RPGRIP1L: variants seen among roughly 807,000 people sequenced by gnomAD.
RPGRIP1L encodes the protein protein fantom.
RPGRIP1L carries 131 observed loss-of-function variants against 160.4 expected under a neutral mutation model. The ratio of observed to expected loss-of-function variants is 0.82; its 90% CI spans 0.71 to 0.94. RPGRIP1L has a LOEUF of 0.94. RPGRIP1L is among the 40% of genes least tolerant of loss of function. RPGRIP1L has a pLI of 0.00. For synonymous variants in RPGRIP1L, 510 were observed against 515.8 expected (o/e 0.99, Z 0.15); for missense variants, 1,522 against 1,535.8 (o/e 0.99, Z 0.15).
chr16:53,673,539 T>C (rs1031387661), intron 7 of RPGRIP1L, among the ~76,000 whole-genome samples: 1 of 152,170 alleles, frequency 6.6e-6, no homozygotes, highest in African/African-American at 2.4e-5. Flanking sequence ...TCAAAAATGG[T>C]CTATTTATGA....
At chr16:53,673,183 C>G (rs1311692391) in intron 7 of RPGRIP1L, among the ~76,000 whole-genome samples, 167 bp from the exon 8 acceptor site, 1 of 152,194 alleles carries the variant, frequency 6.6e-6, no homozygotes, top group Admixed American at 6.5e-5. Context: ...TGCTACTTAT[C>G]CGTAGGAGAC....
chr16:53,645,933 A>G lies in RPGRIP1L; in HGVS notation c.2375T>C (p.Leu792Pro). 6.2e-7 allele frequency: 1 copy of G among 1,614,166 alleles called. No homozygotes were observed. Among genetic ancestry groups the G allele is most frequent in the Non-Finnish European group, 8.5e-7 (1 of 1,180,022 alleles). The change falls in exon 17 of 27, where the codon CTT becomes CCT. Residue 792 changes from leucine (L) to proline (P), a missense_variant. Coordinates refer to ENST00000647211, the MANE Select transcript of RPGRIP1L (RefSeq NM_015272.5). ...TDSTDGNLNE[L>P]HITIRCCNHL... ...GTTGCAACATCTTATTGTAATGTGA[A>G]GTTCATTTAAGTTGCCATCTGTGGA...
At chr16:53,694,126 G>A (rs994608412) in intron 3 of RPGRIP1L, 1 of 152,094 alleles carries the variant, frequency 6.6e-6, no homozygotes, top group Non-Finnish European at 1.5e-5. Context: ...GGCAAAGTCT[G>A]AGTGCTTATT....
chr16:53,641,515 GTTTTA>G, intron 17 of RPGRIP1L, 40 bp from the exon 18 acceptor site: 1 of 1,532,764 alleles, frequency 6.5e-7, no homozygotes, highest in East Asian at 2.3e-5. Context: ...CTAGAGTGAA[GTTTTA>G]TTACTGTAAG....
At chr16:53,620,676 C>T (rs13339138) in intron 23 of RPGRIP1L, among the ~76,000 whole-genome samples, 7,546 of 152,170 alleles carry the variant, frequency 0.05, 618 homozygotes, top group African/African-American at 0.17. Flanking sequence ...AGATGAAAGC[C>T]TGGAAAGGTT....
At position 53,650,017 on chromosome 16, in the gene RPGRIP1L, A is replaced by T. The variant is rs191683217; in HGVS notation, c.2153-902T>A. ...ACCCCTACTCTCTCCTACTTTATCA[A>T]TTTTTTCCCTGCTAATGGATCATTC... On this transcript the variant is annotated intron_variant, in intron 15 of 26. Transcript: ENST00000647211. Among the ~76,000 whole-genome samples, 278 of 152,162 alleles carry T rather than the reference A, an allele frequency of 1.8e-3. 1 individual carries two copies. The highest frequency in any genetic ancestry group is 6.3e-3 in the African/African-American group (260 of 41,518).
chr16:53,617,092 A>AAAAAAAAAAAAAAAAAAAAAC (rs1964427680), intron 24 of RPGRIP1L, among the ~76,000 whole-genome samples: 1 of 149,044 alleles, frequency 6.7e-6, no homozygotes, highest in African/African-American at 2.5e-5. Context: ...AAAAAAAAAA[A>AAAAAAAAAAAAAAAAAAAAAC]AAAAAAAGCA....
In RPGRIP1L at chr16:53,687,856, C is replaced by G. The variant is rs746526374; in HGVS notation, c.632+7G>C. 2 of 1,527,882 alleles carry G rather than the reference C, an allele frequency of 1.3e-6. No individual in the cohort carries two copies. The highest frequency in any genetic ancestry group is 9.1e-7 in the Non-Finnish European group (1 of 1,102,500). The allele number at this position is 1,527,882 out of a possible 1,614,324, so 94.6% of individuals were successfully genotyped here. Reference sequence around the variant, plus strand: ...GTTCTCAAATTACCACAAAAAAGAACACATACAAATTTCTTATTTCTCCTC... The same window carrying G: ...GTTCTCAAATTACCACAAAAAAGAAGACATACAAATTTCTTATTTCTCCTC... On this transcript the variant is annotated splice_region_variant and intron_variant, in intron 5 of 26. Coordinates refer to ENST00000647211, the MANE Select transcript of RPGRIP1L (RefSeq NM_015272.5).
In RPGRIP1L at chr16:53,646,365, C is replaced by T. The variant is rs189001597; in HGVS notation, c.2305-362G>A. ...AATGTCCTAACTAAAATACATTCAC[C>T]CGCCCACCCAGAGTAATGATTCTGT... On this transcript the variant is annotated intron_variant, in intron 16 of 26. Transcript: ENST00000647211. Among the ~76,000 whole-genome samples, 335 of 151,968 alleles carry T rather than the reference C, an allele frequency of 2.2e-3. 2 individuals carry two copies. Among genetic ancestry groups the T allele is most frequent in the African/African-American group, 7.7e-3 (321 of 41,452 alleles).
In RPGRIP1L at chr16:53,697,329, C is replaced by CTCTCCCTCTCCCCACGG. The variant is rs1429645830; in HGVS notation, c.86-1051_86-1035dup. Among the ~76,000 whole-genome samples, 198 of 151,522 alleles carry CTCTCCCTCTCCCCACGG rather than the reference C, an allele frequency of 1.3e-3. 1 individual carries two copies. Among genetic ancestry groups the CTCTCCCTCTCCCCACGG allele is most frequent in the African/African-American group, 4.5e-3 (187 of 41,178 alleles). ...TTTATCAATCTCCCTCTCCCTCTCC[C>CTCTCCCTCTCCCCACGG]TCTCCCTCTCCCCACGGTCTCCCTC... On this transcript the variant is annotated intron_variant, in intron 2 of 26. Coordinates refer to ENST00000647211, the MANE Select transcript of RPGRIP1L (RefSeq NM_015272.5).
chr16:53,624,471 C>T (rs897601575), intron 22 of RPGRIP1L, among the ~76,000 whole-genome samples: 18 of 151,552 alleles, frequency 1.2e-4, no homozygotes, highest in African/African-American at 4.1e-4. Context: ...TTGAACCCGG[C>T]AGGTGGAGGT....
intron 22 of RPGRIP1L, among the ~76,000 whole-genome samples, chr16:53,626,449 T>C (rs187753745): frequency 8.1e-4 from 123 of 152,290 alleles, no homozygotes; most frequent in African/African-American, 2.8e-3. Flanking sequence ...GTTCTTTTTT[T>C]CTTGTTCACC....
chr16:53,696,026 C>G, intron 3 of RPGRIP1L, 125 bp downstream of exon 3: 2 of 927,084 alleles, frequency 2.2e-6, no homozygotes, highest in African/African-American at 3.3e-5. Flanking sequence ...AAAAATTGTA[C>G]TTATTTACAT....
intron 23 of RPGRIP1L, among the ~76,000 whole-genome samples, chr16:53,621,601 C>T (rs888922978): frequency 9.9e-5 from 15 of 152,104 alleles, no homozygotes; most frequent in South Asian, 2.1e-4. Flanking sequence ...ACATTTTAAG[C>T]AGCTTTTATC....
rs1966876658 is a variant in RPGRIP1L, at chr16:53,652,572, T to C, written c.2115A>G (p.Glu705=). The change falls in exon 15 of 27, where the codon GAA becomes GAG. Residue 705 remains glutamate, a synonymous_variant. Coordinates refer to ENST00000647211, the MANE Select transcript of RPGRIP1L (RefSeq NM_015272.5). ...ACQLKFHEIL[E]KSGRIFCTAS... Reference sequence around the variant, plus strand: ...CTGTACAAAATATTCGGCCGCTTTTTTCAAGAATTTCGTGAAATTTTAATT... The same window carrying C: ...CTGTACAAAATATTCGGCCGCTTTTCTCAAGAATTTCGTGAAATTTTAATT... The C allele has an allele frequency of 1.9e-6, 3 of 1,614,138 alleles. No individual in the cohort carries two copies. In the South Asian group the frequency reaches 3.3e-5, roughly 18 times the overall value.
At chr16:53,659,448 G>C (rs1232401009) in intron 10 of RPGRIP1L, 4 of 154,352 alleles carry the variant, frequency 2.6e-5, no homozygotes, top group African/African-American at 9.7e-5. Context: ...ATATACCCAT[G>C]TGCACTTGTA....
At chr16:53,642,704 T>C (rs770032398) in intron 17 of RPGRIP1L, among the ~76,000 whole-genome samples, 1 of 152,212 alleles carries the variant, frequency 6.6e-6, no homozygotes, top group African/African-American at 2.4e-5. Context: ...AGTAGGAATC[T>C]GTGGGACTGC....
At chr16:53,624,416 G>C (rs944136110) in intron 22 of RPGRIP1L, among the ~76,000 whole-genome samples, 1 of 151,988 alleles carries the variant, frequency 6.6e-6, no homozygotes, top group African/African-American at 2.4e-5. Flanking sequence ...AGCCGGGCGT[G>C]GTGGCACGCG....
chr16:53,602,136 G>A lies in RPGRIP1L; in HGVS notation c.3888C>T (p.Val1296=), dbSNP rs1963406998. Residue 1296 remains valine (V), a synonymous_variant, in exon 27 of 27, where the codon GTC becomes GTT. Coordinates refer to ENST00000647211, the MANE Select transcript of RPGRIP1L (RefSeq NM_015272.5). ...CAGACTGGAGGGCATGGAGAGCTTC[G>A]ACTGTTACCCTGAGCTTGCCAATAC... ...GEGIGKLRVT[V]EALHALQSVY... is the part of the protein sequence containing the mutation. 4 of 1,613,826 alleles carry A rather than the reference G, an allele frequency of 2.5e-6. No homozygotes were observed. The South Asian group carries it at 3.3e-5, about 13-fold the overall frequency.
Sources: gnomAD v4.1 joint callset for allele counts (sites outside exome capture counted in the v4.1 genomes callset) on GRCh38, gnomAD v4.1.1 for gene constraint, MANE v1.5 for transcripts, NCBI Gene and HGNC (gene_info 2026-07-23, HGNC 2026-07-21) for gene names.